The following ST3GAL6 variants were observed in gnomAD, a reference collection of about 807,000 sequenced individuals.
ST3GAL6 encodes the protein type 2 lactosamine alpha-2,3-sialyltransferase.
Under a neutral mutation model 40.5 loss-of-function variants are expected in ST3GAL6, and 31 were observed. The observed-to-expected ratio is 0.77, with a 90% CI of 0.58 to 1.03. The LOEUF is 1.03. Among genes scored for constraint, ST3GAL6 ranks in the 50% least tolerant of loss-of-function variants. The pLI is 0.00. For synonymous variants in ST3GAL6, 129 were observed against 136.9 expected, an observed-to-expected ratio of 0.94 and a Z score of 0.40; for missense variants, 357 against 393.2, an observed-to-expected ratio of 0.91 and a Z score of 0.78.
intron 9 of ST3GAL6, 80 bp downstream of exon 9, chr3:98,792,073 C>G: frequency 7.4e-7 from 1 of 1,355,492 alleles, no homozygotes; most frequent in Non-Finnish European, 9.8e-7. Flanking sequence ...TTTCTCTTCT[C>G]ACACTCATTT....
chr3:98,752,409 T>C (rs1237133958), intron 1 of ST3GAL6, among the ~76,000 whole-genome samples: 2 of 152,066 alleles, frequency 1.3e-5, no homozygotes, highest in Non-Finnish European at 2.9e-5. Context: ...TCTGTTATGG[T>C]GATCTATGAT....
In ST3GAL6 at chr3:98,732,457, G is replaced by A. The variant is rs534444065; in HGVS notation, c.-87G>A. On this transcript the variant is annotated 5_prime_UTR_variant, in exon 1 of 10. Coordinates refer to the ST3GAL6 transcript ENST00000265261. ...CTGAAGCCACCCGCCGCCTTTCCTC[G>A]TCCCTCCCTTCGCGGTGATTTTCCG... The A allele has an allele frequency of 5.1e-5, 9 of 175,112 alleles. No homozygotes were observed. In the South Asian group the frequency reaches 1.2e-3, roughly 24 times the overall value. The allele number at this position is 175,112 out of a possible 1,614,324, so 10.8% of individuals were successfully genotyped here.
intron 5 of ST3GAL6, among the ~76,000 whole-genome samples, chr3:98,783,998 G>C (rs745835962): frequency 2.0e-5 from 3 of 152,078 alleles, no homozygotes; most frequent in Admixed American, 6.6e-5. Flanking sequence ...CATGTTTCTG[G>C]GTTCTACAGT....
chr3:98,769,660 T>C (rs1938753238), intron 2 of ST3GAL6, among the ~76,000 whole-genome samples: 1 of 152,234 alleles, frequency 6.6e-6, no homozygotes, highest in African/African-American at 2.4e-5. Flanking sequence ...ACTCCTCAGC[T>C]AACACATTAC....
intron 1 of ST3GAL6, among the ~76,000 whole-genome samples, chr3:98,747,378 G>A (rs828599): frequency 0.54 from 81,471 of 151,876 alleles, 22,638 homozygotes; most frequent in African/African-American, 0.67. Context: ...AGGTATCTTC[G>A]GATGACTTGA....
At chr3:98,769,157 T>G (rs1330100897) in intron 2 of ST3GAL6, among the ~76,000 whole-genome samples, 1 of 152,232 alleles carries the variant, frequency 6.6e-6, no homozygotes, top group Non-Finnish European at 1.5e-5. Flanking sequence ...ACTTCCTGTC[T>G]TAGACAAAGA....
chr3:98,786,398 A>C (rs1421948152), intron 6 of ST3GAL6, among the ~76,000 whole-genome samples: 1 of 152,206 alleles, frequency 6.6e-6, no homozygotes, highest in African/African-American at 2.4e-5. Flanking sequence ...CCAGGACAGA[A>C]GGAGTGACCA....
chr3:98,792,435 T>C (rs1941282591), intron 9 of ST3GAL6, among the ~76,000 whole-genome samples: 1 of 152,170 alleles, frequency 6.6e-6, no homozygotes, highest in Non-Finnish European at 1.5e-5. Context: ...CCAACTTTCA[T>C]ACTGGATCAC....
intron 5 of ST3GAL6, chr3:98,782,767 C>G (rs1421299923): frequency 5.8e-6 from 3 of 514,390 alleles, no homozygotes; most frequent in Non-Finnish European, 1.2e-5. Flanking sequence ...GTCTCATAAT[C>G]AACAAAGAAT....
In ST3GAL6 at chr3:98,793,930, T is replaced by C. The variant is rs932305935; in HGVS notation, c.*169T>C. ...TTTCTGTGAATACTGTATATTTAACTTATGAAAACCAAGAAATGTAAAGAT... is the reference window on the plus strand; with the variant it reads ...TTTCTGTGAATACTGTATATTTAACCTATGAAAACCAAGAAATGTAAAGAT... On this transcript the variant is annotated 3_prime_UTR_variant, in exon 10 of 10. Coordinates refer to ENST00000483910, the MANE Select transcript of ST3GAL6 (RefSeq NM_001323368.2). The C allele has an allele frequency of 5.0e-6, 2 of 401,234 alleles. No individual in the cohort carries two copies. Among genetic ancestry groups the C allele is most frequent in the Non-Finnish European group, 8.8e-6 (2 of 226,386 alleles). 24.9% of individuals were successfully genotyped at this position (401,234 alleles called of 1,614,324 possible).
At chr3:98,733,564 C>T in intron 1 of ST3GAL6, 1 of 985,562 alleles carries the variant, frequency 1.0e-6, no homozygotes, top group Non-Finnish European at 1.2e-6. Flanking sequence ...AAAACAAGCT[C>T]CGAGGCAGTT....
intron 1 of ST3GAL6, among the ~76,000 whole-genome samples, chr3:98,744,718 C>T (rs1936405041): frequency 6.6e-6 from 1 of 151,806 alleles, no homozygotes; most frequent in Non-Finnish European, 1.5e-5. Flanking sequence ...TCCAGTTTTT[C>T]CCAGTTCCTT....
At chr3:98,753,164 G>A (rs1937156259) in intron 1 of ST3GAL6, among the ~76,000 whole-genome samples, 1 of 152,204 alleles carries the variant, frequency 6.6e-6, no homozygotes, top group African/African-American at 2.4e-5. Context: ...TGCTTCTCCA[G>A]TGAATACACA....
intron 2 of ST3GAL6, 127 bp downstream of exon 2, chr3:98,768,656 A>T: frequency 1.4e-6 from 1 of 705,846 alleles, no homozygotes; most frequent in Non-Finnish European, 2.4e-6. Context: ...TTTCCATTGT[A>T]AATTGGGGTT....
chr3:98,793,101 G>C (rs1941346535), intron 9 of ST3GAL6, among the ~76,000 whole-genome samples: 1 of 152,068 alleles, frequency 6.6e-6, no homozygotes, highest in African/African-American at 2.4e-5. Flanking sequence ...AAGCACTTAA[G>C]TATTTCAAGA....
intron 2 of ST3GAL6, 60 bp from the exon 3 acceptor site, chr3:98,770,819 C>A: frequency 1.4e-6 from 2 of 1,476,528 alleles, no homozygotes; most frequent in East Asian, 2.3e-5. Flanking sequence ...AGGGCATTTG[C>A]TTCCCTTTGG....
At chr3:98,753,571 G>A (rs1443030000) in intron 1 of ST3GAL6, among the ~76,000 whole-genome samples, 2 of 152,206 alleles carry the variant, frequency 1.3e-5, no homozygotes, top group African/African-American at 4.8e-5. Context: ...AAGCTTCAAA[G>A]GGCTGGCTCA....
At chr3:98,755,499 G>C (rs574612950) in intron 1 of ST3GAL6, among the ~76,000 whole-genome samples, 1 of 152,240 alleles carries the variant, frequency 6.6e-6, no homozygotes, top group Non-Finnish European at 1.5e-5. Flanking sequence ...TATAAAGAGG[G>C]TATCTTCCAT....
At chr3:98,738,161 A>G (rs527622393) in intron 1 of ST3GAL6, among the ~76,000 whole-genome samples, 57 of 137,980 alleles carry the variant, frequency 4.1e-4, no homozygotes, top group Non-Finnish European at 6.8e-4. Flanking sequence ...ACCTTTTGCC[A>G]GGAGACTTCT....
Sources: gnomAD v4.1 joint callset for allele counts (sites outside exome capture counted in the v4.1 genomes callset) on GRCh38, gnomAD v4.1.1 for gene constraint, MANE v1.5 for transcripts, NCBI Gene and HGNC (gene_info 2026-07-23, HGNC 2026-07-21) for gene names.